The following FERRY3 variants were observed in gnomAD, a reference collection of about 807,000 sequenced individuals.
FERRY3 encodes the protein FERRY endosomal RAB5 effector complex subunit 3, also known as protein C12orf4.
At chr12:4,524,801 T>C in the FERRY3 span, 3 of 152,772 alleles carry the variant, frequency 2.0e-5, no homozygotes, top group East Asian at 3.8e-4. Flanking sequence ...CTCCATGCTA[T>C]TTCTGTACCT....
the FERRY3 span, chr12:4,489,775 C>T: frequency 3.1e-5 from 46 of 1,467,818 alleles, no homozygotes; most frequent in South Asian, 4.9e-4. Context: ...GTTTAACAAT[C>T]ATCTTCTGCC....
chr12:4,504,864 A>T, the FERRY3 span, among the ~76,000 whole-genome samples: 1 of 152,178 alleles, frequency 6.6e-6, no homozygotes, highest in Non-Finnish European at 1.5e-5. Flanking sequence ...GTACTTTGGG[A>T]GGCTGAAGCA....
the FERRY3 span, chr12:4,517,144 C>CG: frequency 1.3e-6 from 2 of 1,591,420 alleles, no homozygotes; most frequent in African/African-American, 1.3e-5. Flanking sequence ...CTCTTCAATT[C>CG]GGGGGAAATG....
chr12:4,517,950 G>T, the FERRY3 span: 1 of 888,808 alleles, frequency 1.1e-6, no homozygotes, highest in Non-Finnish European at 1.7e-6. Flanking sequence ...CTACTTGGAT[G>T]TCAAGGTGAT....
the FERRY3 span, among the ~76,000 whole-genome samples, chr12:4,511,790 A>C: frequency 7.1e-6 from 1 of 141,398 alleles, no homozygotes; most frequent in Non-Finnish European, 1.5e-5. Flanking sequence ...GAAAGCAGGA[A>C]AGATCCAAAA....
chr12:4,537,186 G>T, the FERRY3 span, among the ~76,000 whole-genome samples: 2 of 152,132 alleles, frequency 1.3e-5, no homozygotes, highest in African/African-American at 4.8e-5. Flanking sequence ...GAATCTTTTT[G>T]AATGCCTTTT....
At chr12:4,510,396 G>A in the FERRY3 span, among the ~76,000 whole-genome samples, 4 of 112,694 alleles carry the variant, frequency 3.5e-5, no homozygotes, top group East Asian at 2.5e-4. Flanking sequence ...TACAGAGAAC[G>A]CCACAAAGAT....
At chr12:4,492,614 C>A in the FERRY3 span, among the ~76,000 whole-genome samples, 9 of 152,192 alleles carry the variant, frequency 5.9e-5, no homozygotes, top group Admixed American at 3.3e-4. Flanking sequence ...CATTTCCCCC[C>A]CTCTGCCCTG....
chr12:4,488,079 G>T, the FERRY3 span: 1 of 152,146 alleles, frequency 6.6e-6, no homozygotes. This position sits in a 1 kb window ranked among gnomAD's most constrained non-coding sequence, Gnocchi z 4.9. Context: ...CCATAAACAT[G>T]ATTCTTCCAA....
chr12:4,509,638 A>T, the FERRY3 span, among the ~76,000 whole-genome samples: 1 of 143,428 alleles, frequency 7.0e-6, no homozygotes, highest in South Asian at 2.2e-4. Context: ...GCAGGGGTAC[A>T]CTGACACCTC....
At chr12:4,507,835 A>G in the FERRY3 span, among the ~76,000 whole-genome samples, 1 of 152,204 alleles carries the variant, frequency 6.6e-6, no homozygotes, top group Admixed American at 6.5e-5. Flanking sequence ...TATGTAAAAA[A>G]GGAAAATAAG....
chr12:4,495,063 C>T, the FERRY3 span, among the ~76,000 whole-genome samples: 10 of 152,266 alleles, frequency 6.6e-5, no homozygotes, highest in Non-Finnish European at 1.5e-4. Flanking sequence ...AGCTTGTCTT[C>T]AGTTCTTTAA....
At chr12:4,517,748 T>G in the FERRY3 span, among the ~76,000 whole-genome samples, 6 of 145,910 alleles carry the variant, frequency 4.1e-5, no homozygotes, top group African/African-American at 1.6e-4. Context: ...GACAAATGGA[T>G]GAGCTAAAAA....
chr12:4,507,951 G>A, the FERRY3 span, among the ~76,000 whole-genome samples: 1 of 152,236 alleles, frequency 6.6e-6, no homozygotes, highest in Non-Finnish European at 1.5e-5. Flanking sequence ...TGGGAACAGA[G>A]TTAGGGACAC....
chr12:4,497,903 T>C, the FERRY3 span, among the ~76,000 whole-genome samples: 1 of 152,212 alleles, frequency 6.6e-6, no homozygotes, highest in Non-Finnish European at 1.5e-5. Flanking sequence ...AAATGACACC[T>C]GAAAATGCTT....
the FERRY3 span, chr12:4,505,216 T>C: frequency 3.7e-6 from 3 of 818,850 alleles, no homozygotes; most frequent in East Asian, 2.6e-5. Flanking sequence ...ACTAAAATCA[T>C]AGATTTAAAA....
At chr12:4,490,625 T>C in the FERRY3 span, 2 of 1,539,114 alleles carry the variant, frequency 1.3e-6, no homozygotes, top group Non-Finnish European at 8.9e-7. Context: ...GCATGACAAG[T>C]TCTGGCCTTC....
the FERRY3 span, among the ~76,000 whole-genome samples, chr12:4,515,740 G>A: frequency 1.3e-5 from 2 of 152,062 alleles, no homozygotes; most frequent in Non-Finnish European, 2.9e-5. Flanking sequence ...ATGACAATGT[G>A]ATTATATTTA....
chr12:4,515,653 G>C, the FERRY3 span, among the ~76,000 whole-genome samples: 3 of 152,172 alleles, frequency 2.0e-5, no homozygotes, highest in South Asian at 4.2e-4. Context: ...GGGCTGGGGC[G>C]GGGGGAAATG....
Sources: gnomAD v4.1 joint callset for allele counts (sites outside exome capture counted in the v4.1 genomes callset) on GRCh38, gnomAD v4.1.1 for gene constraint, Gnocchi (gnomAD v3.1) non-coding constraint, MANE v1.5 for transcripts, NCBI Gene and HGNC (gene_info 2026-07-23, HGNC 2026-07-21) for gene names.